RAB1A: variants seen among roughly 807,000 people sequenced by gnomAD.
The protein encoded by RAB1A is ras-related protein Rab-1A.
Under a neutral mutation model 26.0 loss-of-function variants are expected in RAB1A, and 2 were observed. The observed-to-expected ratio is 0.08, with a 90% CI of 0.03 to 0.24. The LOEUF is 0.24. Ranked by LOEUF, RAB1A falls within the 10% of genes least tolerant of loss-of-function variation. The probability of loss-of-function intolerance (pLI) is 1.00; values close to 1 mark genes in which losing one functional copy is unlikely to be tolerated. For synonymous variants in RAB1A, 84 were observed against 84.9 expected (o/e 0.99, Z 0.06); for missense variants, 100 against 247.0 (o/e 0.40, Z 3.99).
chr2:65,089,937 A>G (rs950105575), intron 4 of RAB1A, among the ~76,000 whole-genome samples: 4 of 152,180 alleles, frequency 2.6e-5, no homozygotes, highest in Non-Finnish European at 5.9e-5. Flanking sequence ...TCCTGACCTC[A>G]GGTGATCCGC....
chr2:65,101,121 G>A (rs908450542), intron 2 of RAB1A, among the ~76,000 whole-genome samples: 1 of 149,460 alleles, frequency 6.7e-6, no homozygotes, highest in African/African-American at 2.5e-5. Flanking sequence ...ACTCCAGCCT[G>A]GATGACAGAG....
At chr2:65,121,733 C>A (rs1047244004) in intron 1 of RAB1A, among the ~76,000 whole-genome samples, 1 of 152,194 alleles carries the variant, frequency 6.6e-6, no homozygotes, top group Non-Finnish European at 1.5e-5. Context: ...TCAGCCCCAC[C>A]TTCTATAGGG....
chr2:65,110,834 G>A (rs1669678648), intron 1 of RAB1A, among the ~76,000 whole-genome samples: 1 of 151,970 alleles, frequency 6.6e-6, no homozygotes, highest in African/African-American at 2.4e-5. Flanking sequence ...TACTTGAGAG[G>A]CTGAGGCAGA....
At chr2:65,108,936 C>T (rs1454816070) in intron 1 of RAB1A, among the ~76,000 whole-genome samples, 4 of 152,150 alleles carry the variant, frequency 2.6e-5, no homozygotes, top group Non-Finnish European at 5.9e-5. Context: ...CTGGTTCTCT[C>T]GCAAACCATT....
chr2:65,098,964 G>A (rs75263790), intron 2 of RAB1A, among the ~76,000 whole-genome samples: 4 of 149,782 alleles, frequency 2.7e-5, no homozygotes, highest in Non-Finnish European at 4.4e-5. Context: ...AGCCACCTGA[G>A]TAGTAGGGAC....
chr2:65,124,727 A>T (rs534993943), intron 1 of RAB1A, among the ~76,000 whole-genome samples: 11 of 152,166 alleles, frequency 7.2e-5, no homozygotes, highest in Non-Finnish European at 1.5e-4. Flanking sequence ...GATTATAGGC[A>T]TGAGCCACTG....
intron 3 of RAB1A, among the ~76,000 whole-genome samples, chr2:65,097,617 TC>T (rs35931948): frequency 6.6e-6 from 1 of 152,306 alleles, no homozygotes; most frequent in East Asian, 1.9e-4. Flanking sequence ...CCTTTAATGT[TC>T]CATGCACTTA....
At chr2:65,093,076 G>A (rs188469316) in intron 3 of RAB1A, among the ~76,000 whole-genome samples, 3 of 152,192 alleles carry the variant, frequency 2.0e-5, no homozygotes, top group East Asian at 3.9e-4. Flanking sequence ...CCCAGTTTTG[G>A]TCAGTTCCTT....
At chr2:65,126,344 C>CA (rs972131678) in intron 1 of RAB1A, among the ~76,000 whole-genome samples, 31 of 149,300 alleles carry the variant, frequency 2.1e-4, no homozygotes, top group East Asian at 5.9e-4. Context: ...AAAACAAAAA[C>CA]AAAAAAAAAC....
chr2:65,104,768 CCT>C lies in RAB1A; in HGVS notation c.60_61del (p.Val22TrpfsTer8), dbSNP rs1429019521. Reference sequence around the variant, plus strand: ...AAGAAGAAGGCAAGACTTTCCAACCCCTGAGTCGCCAATCAGAAGTAACTTGA... The same window carrying C: ...AAGAAGAAGGCAAGACTTTCCAACCCGAGTCGCCAATCAGAAGTAACTTGA... On this transcript the variant is annotated frameshift_variant, in exon 2 of 6. Transcript: ENST00000409784. LOFTEE classifies it high-confidence loss of function. The C allele has an allele frequency of 6.2e-6, 10 of 1,604,020 alleles. No individual in the cohort carries two copies. Among genetic ancestry groups the C allele is most frequent in the East Asian group, 2.2e-5 (1 of 44,654 alleles).
At chr2:65,112,506 TCA>T (rs1669722433) in intron 1 of RAB1A, among the ~76,000 whole-genome samples, 1 of 152,210 alleles carries the variant, frequency 6.6e-6, no homozygotes, top group Non-Finnish European at 1.5e-5. Context: ...TTAAATCTAA[TCA>T]CAAATTGGGC....
At chr2:65,123,400 C>A (rs1390538903) in intron 1 of RAB1A, among the ~76,000 whole-genome samples, 1 of 151,864 alleles carries the variant, frequency 6.6e-6, no homozygotes, top group Non-Finnish European at 1.5e-5. Flanking sequence ...GATCTCCTGA[C>A]CTCGTGATTC....
At chr2:65,097,151 C>T (rs2103833703) in intron 3 of RAB1A, among the ~76,000 whole-genome samples, 1 of 152,270 alleles carries the variant, frequency 6.6e-6, no homozygotes, top group South Asian at 2.1e-4. Context: ...AAGGGGCAGT[C>T]ACTGGTTTCC....
At chr2:65,119,837 T>A in intron 1 of RAB1A, among the ~76,000 whole-genome samples, 1 of 26,430 alleles carries the variant, frequency 3.8e-5, no homozygotes, top group Admixed American at 5.6e-4. Flanking sequence ...AGATCCTGTC[T>A]CTACAAAAAA....
chr2:65,102,602 C>CTA (rs1669455626), intron 2 of RAB1A, among the ~76,000 whole-genome samples: 1 of 149,022 alleles, frequency 6.7e-6, no homozygotes, highest in South Asian at 2.1e-4. Context: ...CTGTTCTAAT[C>CTA]TGTCTGTTAG....
chr2:65,099,295 T>A (rs1669362055), intron 2 of RAB1A, among the ~76,000 whole-genome samples: 1 of 152,252 alleles, frequency 6.6e-6, no homozygotes, highest in Non-Finnish European at 1.5e-5. Context: ...TTCCTGTCAA[T>A]TTTTTAACCT....
At chr2:65,113,008 A>G (rs988087095) in intron 1 of RAB1A, among the ~76,000 whole-genome samples, 2 of 152,210 alleles carry the variant, frequency 1.3e-5, no homozygotes, top group Non-Finnish European at 2.9e-5. Flanking sequence ...CAAGAGTTCC[A>G]GACCAGCCTG....
chr2:65,099,702 G>A (rs530384265), intron 2 of RAB1A, among the ~76,000 whole-genome samples: 1 of 152,186 alleles, frequency 6.6e-6, no homozygotes, highest in South Asian at 2.1e-4. Flanking sequence ...CTGAAGCCTT[G>A]AACTCCTGCA....
chr2:65,118,315 T>C (rs1269429671), intron 1 of RAB1A, among the ~76,000 whole-genome samples: 5 of 152,222 alleles, frequency 3.3e-5, no homozygotes, highest in African/African-American at 1.2e-4. Context: ...GTATTAACTG[T>C]TATATTGATT....
Sources: gnomAD v4.1 joint callset for allele counts (sites outside exome capture counted in the v4.1 genomes callset) on GRCh38, gnomAD v4.1.1 for gene constraint, MANE v1.5 for transcripts, NCBI Gene and HGNC (gene_info 2026-07-23, HGNC 2026-07-21) for gene names.